Variants in ARID5B observed in about 807,000 individuals in gnomAD.
ARID5B encodes AT-rich interaction domain 5B.
In ARID5B, 13 loss-of-function variants were observed where a neutral mutation model predicts 97.2. The ratio of observed to expected loss-of-function variants is 0.13; its 90% CI spans 0.09 to 0.21. The LOEUF is 0.21. ARID5B is among the 10% of genes least tolerant of loss of function. ARID5B has a pLI of 1.00. For missense variants in ARID5B, 1,210 were observed against 1,465.3 expected (o/e 0.83, Z 2.84); for synonymous variants, 556 against 570.3 (o/e 0.97, Z 0.36).
chr10:62,058,354 G>A (rs1348985248), intron 6 of ARID5B, among the ~76,000 whole-genome samples: 1 of 152,148 alleles, frequency 6.6e-6, no homozygotes, highest in East Asian at 1.9e-4. Context: ...TTGCGAACAT[G>A]TTGTGTCAAA....
chr10:61,942,530 G>A (rs928128902), intron 3 of ARID5B, among the ~76,000 whole-genome samples: 3 of 152,202 alleles, frequency 2.0e-5, no homozygotes, highest in South Asian at 2.1e-4. Context: ...GGTGGCTCAC[G>A]CCTGTAATCC....
At position 62,000,109 on chromosome 10, in the gene ARID5B, C is replaced by T. The variant is rs766186442; in HGVS notation, c.521C>T (p.Thr174Met). 6 of 1,613,862 alleles carry T rather than the reference C, an allele frequency of 3.7e-6. No individual in the cohort carries two copies. Among genetic ancestry groups the T allele is most frequent in the South Asian group, 3.3e-5 (3 of 91,072 alleles). ...KADLGEDEEE[T>M]NVIVLSYPQY... ...TGTCTAGGGGAGGACGAGGAAGAAA[C>T]GAACGTGATAGTTCTCAGCTACCCC... The change falls in exon 4 of 10, where the codon ACG becomes ATG. Residue 174 changes from threonine (T) to methionine (M), a missense_variant. Physicochemically the swap from Thr to Met is moderately conservative, Grantham distance 81 (BLOSUM62 -1). Coordinates refer to ENST00000279873, the MANE Select transcript of ARID5B (RefSeq NM_032199.3). This position sits in a 1 kb window ranked among gnomAD's most constrained non-coding sequence, Gnocchi z 4.4.
At chr10:62,040,500 C>T (rs1044476153) in intron 4 of ARID5B, among the ~76,000 whole-genome samples, 4 of 152,088 alleles carry the variant, frequency 2.6e-5, no homozygotes, top group African/African-American at 7.2e-5. Flanking sequence ...GTTCTGTCTG[C>T]TCCTTAACAC....
chr10:61,912,370 G>A (rs1424192490), intron 2 of ARID5B, among the ~76,000 whole-genome samples: 1 of 151,702 alleles, frequency 6.6e-6, no homozygotes, highest in Non-Finnish European at 1.5e-5. Flanking sequence ...AGTGACTATA[G>A]TTAATAGTAC....
intron 3 of ARID5B, among the ~76,000 whole-genome samples, chr10:61,980,287 ACT>A (rs1280368862): frequency 1.3e-5 from 2 of 151,856 alleles, no homozygotes; most frequent in Admixed American, 1.3e-4. Context: ...GAAGACAGTG[ACT>A]CTGTCATTTT....
intron 8 of ARID5B, among the ~76,000 whole-genome samples, chr10:62,080,000 T>G (rs576830142): frequency 6.6e-6 from 1 of 152,178 alleles, no homozygotes; most frequent in African/African-American, 2.4e-5. Flanking sequence ...TTTTAAAGTA[T>G]GTAAGGCAGT....
At chr10:62,056,989 G>A in intron 5 of ARID5B, 128 bp from the exon 6 acceptor site, 1 of 826,250 alleles carries the variant, frequency 1.2e-6, no homozygotes, top group East Asian at 2.7e-5. Context: ...GCTATTAAAA[G>A]CAGGGATAAT....
At chr10:62,078,675 C>T (rs140354637) in intron 8 of ARID5B, among the ~76,000 whole-genome samples, 10 of 152,306 alleles carry the variant, frequency 6.6e-5, no homozygotes, top group African/African-American at 2.4e-4. Context: ...GACATAACAT[C>T]AGCCTTCCTT....
intron 3 of ARID5B, among the ~76,000 whole-genome samples, chr10:61,954,537 T>G (rs1838365629): frequency 6.6e-6 from 1 of 152,184 alleles, no homozygotes; most frequent in Non-Finnish European, 1.5e-5. Context: ...GAATTCAGAA[T>G]GTACTCTGGA....
chr10:62,087,522 T>A (rs1840307426), intron 9 of ARID5B, among the ~76,000 whole-genome samples: 5 of 149,652 alleles, frequency 3.3e-5, no homozygotes, highest in African/African-American at 1.2e-4. Context: ...TAAAAAACGC[T>A]GCTGCCCATT....
intron 8 of ARID5B, among the ~76,000 whole-genome samples, chr10:62,071,592 A>G (rs921420970): frequency 4.7e-5 from 7 of 148,502 alleles, no homozygotes; most frequent in Non-Finnish European, 1.0e-4. Flanking sequence ...GCATGGAGAG[A>G]AGGACTCAAC....
chr10:62,067,388 T>A (rs1840008438), intron 7 of ARID5B, among the ~76,000 whole-genome samples: 1 of 152,194 alleles, frequency 6.6e-6, no homozygotes, highest in Non-Finnish European at 1.5e-5. Flanking sequence ...CGGCCAGAAC[T>A]TCTGTTCTAA....
At chr10:61,988,869 A>G (rs1472539601) in intron 3 of ARID5B, among the ~76,000 whole-genome samples, 3 of 151,564 alleles carry the variant, frequency 2.0e-5, no homozygotes, top group African/African-American at 7.3e-5. Context: ...AATACACACT[A>G]TATTTTGAGA....
intron 3 of ARID5B, among the ~76,000 whole-genome samples, chr10:61,998,289 A>G (rs372268682): frequency 6.6e-6 from 1 of 152,342 alleles, no homozygotes; most frequent in East Asian, 1.9e-4. Context: ...TGGTTACCAG[A>G]TGGCCATGAT....
At chr10:62,077,266 G>T (rs1840150288) in intron 8 of ARID5B, among the ~76,000 whole-genome samples, 1 of 152,002 alleles carries the variant, frequency 6.6e-6, no homozygotes, top group African/African-American at 2.4e-5. Flanking sequence ...CCAATGCCTG[G>T]ATATTTCAAG....
chr10:62,095,481 A>G lies in ARID5B; in HGVS notation c.*2451A>G, dbSNP rs900353314. 17 of 233,528 alleles carry G rather than the reference A, an allele frequency of 7.3e-5. No individual in the cohort carries two copies. The highest frequency in any genetic ancestry group is 1.1e-4 in the Non-Finnish European group (13 of 118,024). The allele number at this position is 233,528 out of a possible 1,614,324, so 14.5% of individuals were successfully genotyped here. ...TTTCAGTCTGGTTTCATCATGTTGG[A>G]ATTCGATCACACCATTTTCAAACAA... On this transcript the variant is annotated 3_prime_UTR_variant, in exon 10 of 10. Transcript: ENST00000279873.
At chr10:62,046,595 T>G (rs921215806) in intron 4 of ARID5B, 1 of 152,224 alleles carries the variant, frequency 6.6e-6, no homozygotes. Context: ...GATTAACACC[T>G]ATAGAAATAG....
chr10:62,045,470 G>C (rs1406010692), intron 4 of ARID5B, among the ~76,000 whole-genome samples: 1 of 139,228 alleles, frequency 7.2e-6, no homozygotes, highest in Non-Finnish European at 1.5e-5. Flanking sequence ...TTTTTTAGAC[G>C]AAGTCTTGCT....
chr10:62,014,522 G>A (rs930589992), intron 4 of ARID5B, among the ~76,000 whole-genome samples: 6 of 152,064 alleles, frequency 3.9e-5, no homozygotes. Context: ...GATTTTGGAG[G>A]TATATACTCT....
Sources: gnomAD v4.1 joint callset for allele counts (sites outside exome capture counted in the v4.1 genomes callset) on GRCh38, gnomAD v4.1.1 for gene constraint, Gnocchi (gnomAD v3.1) non-coding constraint, MANE v1.5 for transcripts, NCBI Gene and HGNC (gene_info 2026-07-23, HGNC 2026-07-21) for gene names.